Variants in EIF2B3 observed in about 807,000 individuals in gnomAD.
EIF2B3 encodes the protein translation initiation factor eIF2B subunit gamma.
EIF2B3 carries 20 observed loss-of-function variants against 54.1 expected under a neutral mutation model. The ratio of observed to expected loss-of-function variants is 0.37; its 90% CI spans 0.26 to 0.54. The LOEUF (loss-of-function observed/expected upper bound fraction) is 0.54, where lower values mean the gene tolerates loss of function less well. Among genes scored for constraint, EIF2B3 ranks in the 20% least tolerant of loss-of-function variants. The pLI is 0.86. For synonymous variants in EIF2B3, 153 were observed against 188.1 expected, an observed-to-expected ratio of 0.81 and a Z score of 1.52; for missense variants, 448 against 547.8, an observed-to-expected ratio of 0.82 and a Z score of 1.82.
chr1:44,947,975 G>A (rs1195648369), intron 3 of EIF2B3, among the ~76,000 whole-genome samples: 2 of 152,068 alleles, frequency 1.3e-5, no homozygotes, highest in Admixed American at 6.5e-5. Context: ...CCAAAATGCT[G>A]GGATTACATG....
rs1194645004 is a variant in EIF2B3, at chr1:44,919,883, C to CTTTTTTTTTTTTTTTT, written c.566+6729_566+6744dup. Among the ~76,000 whole-genome samples, 115 of 117,188 alleles carry CTTTTTTTTTTTTTTTT rather than the reference C, an allele frequency of 9.8e-4. 3 individuals carry two copies. Among genetic ancestry groups the CTTTTTTTTTTTTTTTT allele is most frequent in the East Asian group, 9.3e-3 (36 of 3,888 alleles). 76.9% of individuals were successfully genotyped at this position (117,188 alleles called of 152,430 possible). On this transcript the variant is annotated intron_variant, in intron 5 of 11. Transcript: ENST00000360403. ...ACGCATGCGACAACATGCCTGGCTA[C>CTTTTTTTTTTTTTTTT]TTTTTTTTTTTTTTTTTTAGTAGAT...
intron 5 of EIF2B3, among the ~76,000 whole-genome samples, chr1:44,924,385 A>T (rs530890061): frequency 6.6e-6 from 1 of 151,980 alleles, no homozygotes; most frequent in African/African-American, 2.4e-5. Context: ...TAATAATTTA[A>T]TCCTTTTTTT....
intron 3 of EIF2B3, among the ~76,000 whole-genome samples, chr1:44,955,749 CAT>C (rs1271745834): frequency 1.3e-5 from 2 of 151,924 alleles, no homozygotes; most frequent in East Asian, 1.9e-4. Flanking sequence ...GGCCAAGAAA[CAT>C]ATGAAAAAAA....
At chr1:44,935,933 G>A (rs1276936392) in intron 4 of EIF2B3, among the ~76,000 whole-genome samples, 1 of 148,934 alleles carries the variant, frequency 6.7e-6, no homozygotes, top group African/African-American at 2.5e-5. Flanking sequence ...GGATATTGTG[G>A]CATTTTGGTT....
chr1:44,932,750 C>G (rs1643908670), intron 4 of EIF2B3, among the ~76,000 whole-genome samples: 1 of 151,988 alleles, frequency 6.6e-6, no homozygotes, highest in Non-Finnish European at 1.5e-5. Flanking sequence ...CAAAACAAAA[C>G]AAAACAAAAC....
chr1:44,912,265 T>G (rs1643531651), intron 5 of EIF2B3, among the ~76,000 whole-genome samples: 1 of 152,204 alleles, frequency 6.6e-6, no homozygotes, highest in African/African-American at 2.4e-5. Context: ...TAATAATTGC[T>G]AATCACAATT....
At chr1:44,859,343 G>A (rs564014204) in intron 10 of EIF2B3, among the ~76,000 whole-genome samples, 7 of 151,848 alleles carry the variant, frequency 4.6e-5, no homozygotes, top group African/African-American at 1.7e-4. Context: ...CCAGGTTGGA[G>A]GAAATGTCCT....
chr1:44,941,628 T>C lies in EIF2B3; in HGVS notation c.332A>G (p.Asp111Gly). The part of the protein sequence containing the change: ...VLVLSCDLIT[D>G]VALHEVVDLF... ...GTCCACAACCTCATGTAAGGCAACG[T>C]CTGTTATCAGATCACAGCTCAGCAC... The change falls in exon 4 of 12, where the codon GAC becomes GGC. Residue 111 changes from aspartate (D) to glycine (G), a missense_variant. Physicochemically the swap from Asp to Gly is moderately conservative, Grantham distance 94 (BLOSUM62 -1). Around this residue, in one of 3 missense-constraint regions of EIF2B3, gnomAD observed 350 missense variants for 414.2 expected, o/e 0.85. Transcript: ENST00000360403. 3.1e-6 allele frequency: 5 copies of C among 1,614,144 alleles called. No homozygotes were observed. The highest frequency in any genetic ancestry group is 4.2e-6 in the Non-Finnish European group (5 of 1,180,022).
At chr1:44,978,859 A>G (rs1406413355) in intron 2 of EIF2B3, among the ~76,000 whole-genome samples, 1 of 149,620 alleles carries the variant, frequency 6.7e-6, no homozygotes, top group Non-Finnish European at 1.5e-5. Flanking sequence ...CTGGTCTCCA[A>G]CTCCTGGGCT....
chr1:44,858,289 T>A (rs1199298912), intron 10 of EIF2B3, among the ~76,000 whole-genome samples: 1 of 151,924 alleles, frequency 6.6e-6, no homozygotes, highest in African/African-American at 2.4e-5. Flanking sequence ...CCATCCAATC[T>A]GTTCTTTGGT....
chr1:44,855,011 G>A (rs957220008), intron 11 of EIF2B3, among the ~76,000 whole-genome samples: 1 of 151,678 alleles, frequency 6.6e-6, no homozygotes, highest in Non-Finnish European at 1.5e-5. Context: ...GTTGGTGTTT[G>A]CCTAGGTCAC....
chr1:44,981,096 T>C lies in EIF2B3; in HGVS notation c.73A>G (p.Lys25Glu), dbSNP rs1644507325. ...TTGTTCCCAACTGGAAGCAGAGGTT[T>C]GGGAATGCTGGAAGTTAGGTCTGTC... ...RMTDLTSSIP[K>E]PLLPVGNKPL... is the part of the protein sequence containing the mutation. Residue 25 changes from lysine (K) to glutamate (E), a missense_variant, in exon 2 of 12, where the codon AAA becomes GAA. Physicochemically the swap from Lys to Glu is moderately conservative, Grantham distance 56. Transcript: ENST00000360403. 6.2e-7 allele frequency: 1 copy of C among 1,613,296 alleles called. No homozygotes were observed. The highest frequency in any genetic ancestry group is 1.7e-5 in the Admixed American group (1 of 59,716).
intron 4 of EIF2B3, among the ~76,000 whole-genome samples, chr1:44,927,605 A>G (rs4082644): frequency 0.17 from 25,823 of 152,116 alleles, 2,300 homozygotes; most frequent in Non-Finnish European, 0.18. Flanking sequence ...TTTAAAACAT[A>G]GGTGATCAAA....
intron 10 of EIF2B3, among the ~76,000 whole-genome samples, chr1:44,858,971 G>A (rs1468540834): frequency 6.6e-6 from 1 of 152,068 alleles, no homozygotes; most frequent in Non-Finnish European, 1.5e-5. Flanking sequence ...CAAGAGCAGC[G>A]CCACTTGCTC....
intron 4 of EIF2B3, among the ~76,000 whole-genome samples, chr1:44,932,637 C>T (rs1176852955): frequency 6.6e-6 from 1 of 152,022 alleles, no homozygotes; most frequent in Non-Finnish European, 1.5e-5. Flanking sequence ...CTATAAGCTC[C>T]CCCTCCCATC....
At chr1:44,980,798 C>T (rs930163944) in intron 2 of EIF2B3, among the ~76,000 whole-genome samples, 3 of 152,024 alleles carry the variant, frequency 2.0e-5, no homozygotes, top group Admixed American at 6.6e-5. Flanking sequence ...TTACAGAGTT[C>T]GTCTTGGATC....
At chr1:44,965,634 C>CTTTTTTTTT (rs386366856) in intron 3 of EIF2B3, among the ~76,000 whole-genome samples, 20 of 102,410 alleles carry the variant, frequency 2.0e-4, no homozygotes, top group African/African-American at 7.5e-4. Context: ...ACAAATGCAT[C>CTTTTTTTTT]TTTTTTTTTT....
At chr1:44,875,197 A>G (rs1655082290) in intron 9 of EIF2B3, among the ~76,000 whole-genome samples, 1 of 152,192 alleles carries the variant, frequency 6.6e-6, no homozygotes, top group Non-Finnish European at 1.5e-5. Context: ...GTCTCAAAAA[A>G]AAAGAAAAAG....
At chr1:44,958,008 A>G (rs1644246064) in intron 3 of EIF2B3, among the ~76,000 whole-genome samples, 1 of 152,228 alleles carries the variant, frequency 6.6e-6, no homozygotes, top group African/African-American at 2.4e-5. Flanking sequence ...ACTAATTGCA[A>G]AGTTATTCAT....
Sources: allele counts gnomAD v4.1 joint callset (sites outside exome capture counted in the v4.1 genomes callset), GRCh38; gene constraint gnomAD v4.1.1; regional missense constraint gnomAD v4.1.1; transcripts MANE v1.5; gene names NCBI Gene and HGNC (gene_info 2026-07-23, HGNC 2026-07-21).